TPGS1: variants seen among roughly 807,000 people sequenced by gnomAD.
TPGS1 encodes gene trap ROSA b-geo 22.
In TPGS1, 18 loss-of-function variants were observed where a neutral mutation model predicts 11.9. The ratio of observed to expected loss-of-function variants is 1.51; its 90% CI spans 1.04 to 2.24. The LOEUF (loss-of-function observed/expected upper bound fraction) is 2.24, where lower values mean the gene tolerates loss of function less well. Ranked by LOEUF, TPGS1 falls within the 30% of genes most tolerant of loss-of-function variation. The pLI is 0.00. For missense variants in TPGS1, 500 were observed against 443.0 expected, an observed-to-expected ratio of 1.13 and a Z score of -1.16; for synonymous variants, 247 against 218.2, an observed-to-expected ratio of 1.13 and a Z score of -1.16.
rs539512580 is a variant in TPGS1 at position 515,514 on chromosome 19, G to A, written c.339-3375G>A. Among the ~76,000 whole-genome samples, 10 of 152,310 alleles carry A rather than the reference G, an allele frequency of 6.6e-5. No homozygotes were observed. In the South Asian group the frequency reaches 2.1e-3, roughly 32 times the overall value. On this transcript the variant is annotated intron_variant, in intron 1 of 1. Transcript: ENST00000359315. ...GCACTTTGGGAGGCCGAGGTGGGCG[G>A]ACCACGAGGTCACTCGAGATCCAGA...
Position 518,871 on chromosome 19 carries a change from A to G in TPGS1, c.339-18A>G. On this transcript the variant is annotated intron_variant, in intron 1 of 1. Coordinates refer to ENST00000359315, the MANE Select transcript of TPGS1 (RefSeq NM_033513.3). ...GGCGCGCGGTCTCTGCCGGCCCCCA[A>G]CGTCCCCGTCTCCGCAGGGCCGCCT... 2 of 1,492,478 alleles carry G rather than the reference A, an allele frequency of 1.3e-6. No individual in the cohort carries two copies. Among genetic ancestry groups the G allele is most frequent in the South Asian group, 1.3e-5 (1 of 75,190 alleles). 92.5% of individuals were successfully genotyped at this position (1,492,478 alleles called of 1,614,324 possible).
intron 1 of TPGS1, among the ~76,000 whole-genome samples, chr19:516,683 A>C (rs1978965250): frequency 6.6e-6 from 1 of 152,148 alleles, no homozygotes; most frequent in African/African-American, 2.4e-5. Context: ...GTGCCTGGCC[A>C]ACATTTCTCA....
At chr19:515,803 C>A (rs887000354) in intron 1 of TPGS1, among the ~76,000 whole-genome samples, 1 of 151,650 alleles carries the variant, frequency 6.6e-6, no homozygotes, top group African/African-American at 2.4e-5. Context: ...GAGGCCGAGG[C>A]GGGTGGATCA....
intron 1 of TPGS1, among the ~76,000 whole-genome samples, chr19:512,790 C>T (rs550259449): frequency 6.6e-6 from 1 of 152,374 alleles, no homozygotes; most frequent in African/African-American, 2.4e-5. Context: ...GCAGAAGCAA[C>T]GGACAGAGTG....
chr19:513,793 C>G (rs76156290), intron 1 of TPGS1, among the ~76,000 whole-genome samples: 1 of 150,356 alleles, frequency 6.7e-6, no homozygotes, highest in African/African-American at 2.5e-5. Context: ...TACTGCACAC[C>G]AGCCCCACAT....
chr19:509,224 G>A (rs530093648), intron 1 of TPGS1: 89 of 152,398 alleles, frequency 5.8e-4, no homozygotes, highest in African/African-American at 1.9e-3. Flanking sequence ...GGGTGAGAAC[G>A]TGAGACCAGA....
chr19:517,108 C>T (rs916639483), intron 1 of TPGS1, among the ~76,000 whole-genome samples: 1 of 151,770 alleles, frequency 6.6e-6, no homozygotes, highest in Non-Finnish European at 1.5e-5. Flanking sequence ...CCCTGGAGGG[C>T]AGGTGCTCAC....
At position 518,919 on chromosome 19, in the gene TPGS1, C is replaced by G. The variant is rs568097852; in HGVS notation, c.369C>G (p.Ala123=). The part of the protein sequence containing the change: ...RAAFNNNVSV[A]YECLSAGGRR... ...CCTTCAACAACAACGTGAGCGTGGC[C>G]TACGAGTGCCTGAGCGCCGGCGGGC... is the stretch of plus-strand genomic sequence containing the variant. Residue 123 remains alanine, a synonymous_variant, in exon 2 of 2, where the codon GCC becomes GCG. Coordinates refer to ENST00000359315, the MANE Select transcript of TPGS1 (RefSeq NM_033513.3). The G allele has an allele frequency of 6.4e-6, 10 of 1,572,706 alleles. No homozygotes were observed. In the African/African-American group the frequency reaches 6.8e-5, roughly 11 times the overall value.
intron 1 of TPGS1, 23 bp downstream of exon 1, chr19:507,867 C>T (rs559522837): frequency 8.4e-6 from 11 of 1,309,048 alleles, no homozygotes; most frequent in African/African-American, 1.5e-5. Flanking sequence ...CCGGCTTGGG[C>T]GGGTGGGGCA....
intron 1 of TPGS1, chr19:510,085 C>G (rs1978738440): frequency 6.6e-6 from 1 of 152,302 alleles, no homozygotes; most frequent in Non-Finnish European, 1.5e-5. Context: ...GAAGAGAAGC[C>G]CAGAGCAGCC....
chr19:516,296 A>G (rs1192173707), intron 1 of TPGS1, among the ~76,000 whole-genome samples: 1 of 152,192 alleles, frequency 6.6e-6, no homozygotes, highest in Non-Finnish European at 1.5e-5. Context: ...ATTTTTAAAC[A>G]TCGTAAGGCG....
chr19:508,193 G>A lies in TPGS1; in HGVS notation c.338+349G>A, dbSNP rs151250406. 6.1e-3 allele frequency: 1,362 copies of A among 224,078 alleles called. 9 individuals carry two copies. Among genetic ancestry groups the A allele is most frequent in the Middle Eastern group, 0.024 (17 of 716 alleles). The allele number at this position is 224,078 out of a possible 1,614,324, so 13.9% of individuals were successfully genotyped here. A position where few individuals can be genotyped will look rare whatever the true frequency, so the allele number is the denominator to read the frequency against. On this transcript the variant is annotated intron_variant, in intron 1 of 1. Coordinates refer to ENST00000359315, the MANE Select transcript of TPGS1 (RefSeq NM_033513.3). ...GGTCGCAGAGCCAGCCCCCGAGCCA[G>A]GTCCTCCTAGTCGCCTCCTTAGCAG...
intron 1 of TPGS1, among the ~76,000 whole-genome samples, chr19:515,195 C>T (rs1223585877): frequency 1.3e-5 from 2 of 152,138 alleles, no homozygotes; most frequent in African/African-American, 2.4e-5. Context: ...TCGTATTTGA[C>T]CCTCAGGCTG....
intron 1 of TPGS1, among the ~76,000 whole-genome samples, chr19:516,388 C>T (rs1381582035): frequency 2.8e-5 from 4 of 144,386 alleles, no homozygotes; most frequent in African/African-American, 7.6e-5. Flanking sequence ...TTTTCTTTTT[C>T]TTTTTTTTTT....
chr19:509,133 G>C, intron 1 of TPGS1: 1 of 152,204 alleles, frequency 6.6e-6, no homozygotes, highest in East Asian at 1.9e-4. Flanking sequence ...TGAACTGGAG[G>C]GGTCCTGAAG....
intron 1 of TPGS1, 145 bp from the exon 2 acceptor site, chr19:518,744 G>C (rs1979047827): frequency 2.3e-6 from 2 of 852,432 alleles, no homozygotes; most frequent in Admixed American, 3.9e-5. Context: ...AGGAGGGGAG[G>C]CCGGGGATGG....
intron 1 of TPGS1, among the ~76,000 whole-genome samples, chr19:516,201 G>A (rs1159991292): frequency 6.6e-6 from 1 of 152,166 alleles, no homozygotes; most frequent in Non-Finnish European, 1.5e-5. Context: ...GACCGAAAAA[G>A]GTTCAGGAGA....
rs560203517 is a variant in TPGS1, at chr19:519,225, G to A, written c.675G>A (p.Leu225=). Residue 225 remains leucine, a synonymous_variant, in exon 2 of 2, where the codon CTG becomes CTA. Coordinates refer to ENST00000359315, the MANE Select transcript of TPGS1 (RefSeq NM_033513.3). Reference sequence around the variant, plus strand: ...TGGGCCAGGCCGTGCTGGACACCCTGGAGGGCGCGCTGCAGGCCAGCGACG... The same window carrying A: ...TGGGCCAGGCCGTGCTGGACACCCTAGAGGGCGCGCTGCAGGCCAGCGACG... ...RRVGQAVLDT[L]EGALQASDAA... 9.2e-5 allele frequency: 125 copies of A among 1,360,386 alleles called. 2 individuals carry two copies. The South Asian group carries it at 2.1e-3, about 22-fold the overall frequency. The allele number at this position is 1,360,386 out of a possible 1,614,324, so 84.3% of individuals were successfully genotyped here. A position where few individuals can be genotyped will look rare whatever the true frequency, so the allele number is the denominator to read the frequency against.
In TPGS1 at chr19:516,305, C is replaced by T. The variant is rs578149469; in HGVS notation, c.339-2584C>T. Among the ~76,000 whole-genome samples the T allele has an allele frequency of 1.5e-4, 23 of 152,028 alleles. No individual in the cohort carries two copies. In the East Asian group the frequency reaches 3.5e-3, roughly 23 times the overall value. Reference sequence around the variant, plus strand: ...TTTCCTATTTTTAAACATCGTAAGGCGGGAACTACGTGAGGCGGGAAGCAA... The same window carrying T: ...TTTCCTATTTTTAAACATCGTAAGGTGGGAACTACGTGAGGCGGGAAGCAA... On this transcript the variant is annotated intron_variant, in intron 1 of 1. Transcript: ENST00000359315.
Sources: allele counts gnomAD v4.1 joint callset (sites outside exome capture counted in the v4.1 genomes callset), GRCh38; gene constraint gnomAD v4.1.1; transcripts MANE v1.5; gene names NCBI Gene and HGNC (gene_info 2026-07-23, HGNC 2026-07-21).